The following ASAP2 variants were observed in gnomAD, a reference collection of about 807,000 sequenced individuals.
The protein encoded by ASAP2 is arf-GAP with SH3 domain, ANK repeat and PH domain-containing protein 2.
ASAP2 carries 45 observed loss-of-function variants against 131.4 expected under a neutral mutation model. The observed-to-expected ratio is 0.34, with a 90% CI of 0.27 to 0.44. ASAP2 has a LOEUF of 0.44. ASAP2 is among the 20% of genes least tolerant of loss of function. The pLI is 1.00. For synonymous variants in ASAP2, 510 were observed against 503.0 expected, an observed-to-expected ratio of 1.01 and a Z score of -0.19; for missense variants, 1,011 against 1,297.0, an observed-to-expected ratio of 0.78 and a Z score of 3.39.
At chr2:9,245,010 A>G (rs1356699293) in intron 1 of ASAP2, among the ~76,000 whole-genome samples, 2 of 152,180 alleles carry the variant, frequency 1.3e-5, no homozygotes, top group Non-Finnish European at 2.9e-5. Context: ...CTCCCGTCAT[A>G]TAAAAGGTAA....
At position 9,232,283 on chromosome 2, in the gene ASAP2, G is replaced by A. The variant is rs574779101; in HGVS notation, c.126+25053G>A. Among the ~76,000 whole-genome samples the A allele has an allele frequency of 6.6e-6, 1 of 152,230 alleles. No individual in the cohort carries two copies. The highest frequency in any genetic ancestry group is 2.1e-4 in the South Asian group (1 of 4,816). On this transcript the variant is annotated intron_variant, in intron 1 of 27. Coordinates refer to ENST00000281419, the MANE Select transcript of ASAP2 (RefSeq NM_003887.3). The surrounding 1 kb of genome is among the most constrained non-coding windows in gnomAD (Gnocchi z 4.1). ...CTGCGCCCGATCCTTTTACACAGGT[G>A]GTCCCTCTGTTTGTAGAGTCGCCCT...
At chr2:9,238,977 G>A (rs1375522579) in intron 1 of ASAP2, among the ~76,000 whole-genome samples, 3 of 152,136 alleles carry the variant, frequency 2.0e-5, no homozygotes, top group African/African-American at 4.8e-5. Flanking sequence ...TGGGCCTCCC[G>A]CAGCCTGGAG....
At chr2:9,233,709 T>G (rs555852764) in intron 1 of ASAP2, among the ~76,000 whole-genome samples, 5 of 152,240 alleles carry the variant, frequency 3.3e-5, no homozygotes, top group African/African-American at 1.2e-4. Flanking sequence ...CAAACACTTA[T>G]ATTGCACTTA....
Position 9,338,309 on chromosome 2 carries a change from G to C in ASAP2, c.849+3130G>C, listed in dbSNP as rs148838550. Among the ~76,000 whole-genome samples, 782 of 151,572 alleles carry C rather than the reference G, an allele frequency of 5.2e-3. 3 individuals are homozygous for C. Among genetic ancestry groups the C allele is most frequent in the Admixed American group, 0.011 (172 of 15,228 alleles). On this transcript the variant is annotated intron_variant, in intron 9 of 27. Transcript: ENST00000281419. ...ATGGTTGCTCTCTCTCTCTCTCTCT[G>C]TCTGTCTGTGTCTGTCTATCTCTCT...
At chr2:9,334,201 G>GT (rs111579113) in intron 7 of ASAP2, among the ~76,000 whole-genome samples, 25,945 of 129,302 alleles carry the variant, frequency 0.2, 2,533 homozygotes, top group Middle Eastern at 0.25. Context: ...TTTTGTATTT[G>GT]TTTTTTTTTT....
intron 1 of ASAP2, among the ~76,000 whole-genome samples, chr2:9,265,723 G>C (rs185014821): frequency 6.6e-6 from 1 of 152,064 alleles, no homozygotes; most frequent in Non-Finnish European, 1.5e-5. Flanking sequence ...GTGTGTGTGT[G>C]TGTGTCTGTG....
intron 7 of ASAP2, among the ~76,000 whole-genome samples, chr2:9,330,465 G>A (rs1034972379): frequency 6.6e-5 from 10 of 152,144 alleles, no homozygotes; most frequent in African/African-American, 2.4e-4. Context: ...TAGGTACAAT[G>A]TATGTTATTC....
chr2:9,293,316 A>C (rs1038511038), intron 2 of ASAP2, among the ~76,000 whole-genome samples: 2 of 152,120 alleles, frequency 1.3e-5, no homozygotes, highest in African/African-American at 4.8e-5. Context: ...TTGTCCTAGC[A>C]TGGTCTCTGT....
At chr2:9,260,843 C>T (rs1176478591) in intron 1 of ASAP2, among the ~76,000 whole-genome samples, 1 of 152,192 alleles carries the variant, frequency 6.6e-6, no homozygotes, top group Non-Finnish European at 1.5e-5. Context: ...ATTGTGTAAC[C>T]TGGACACATG....
chr2:9,265,363 C>T (rs1220079179), intron 1 of ASAP2, among the ~76,000 whole-genome samples: 2 of 152,210 alleles, frequency 1.3e-5, no homozygotes, highest in Admixed American at 6.5e-5. Context: ...CCATGGAGAC[C>T]GAGGGACTAC....
At chr2:9,319,343 A>C (rs950314280) in intron 4 of ASAP2, among the ~76,000 whole-genome samples, 8 of 152,238 alleles carry the variant, frequency 5.3e-5, no homozygotes, top group Non-Finnish European at 1.2e-4. Context: ...CTGGAAACCC[A>C]GTCTTGACCC....
At chr2:9,239,943 C>G (rs918547459) in intron 1 of ASAP2, among the ~76,000 whole-genome samples, 4 of 152,030 alleles carry the variant, frequency 2.6e-5, no homozygotes, top group African/African-American at 4.8e-5. Flanking sequence ...TTTCCCAAGG[C>G]CTTGTAGCTG....
intron 6 of ASAP2, among the ~76,000 whole-genome samples, chr2:9,324,386 G>A (rs1670352350): frequency 6.6e-6 from 1 of 152,210 alleles, no homozygotes; most frequent in South Asian, 2.1e-4. Flanking sequence ...ATCTTAGCCT[G>A]TTTTCTGTTG....
intron 14 of ASAP2, among the ~76,000 whole-genome samples, chr2:9,358,133 C>T (rs533276420): frequency 2.8e-4 from 42 of 152,264 alleles, no homozygotes; most frequent in South Asian, 1.9e-3. Context: ...GCCTGAGCAT[C>T]GCAAAGCTGT....
At chr2:9,289,199 C>T (rs1049229962) in intron 2 of ASAP2, among the ~76,000 whole-genome samples, 1 of 152,358 alleles carries the variant, frequency 6.6e-6, no homozygotes, top group African/African-American at 2.4e-5. Flanking sequence ...TTCCTCATCT[C>T]TGGCTCCTGC....
intron 16 of ASAP2, among the ~76,000 whole-genome samples, chr2:9,370,523 T>C (rs556247479): frequency 6.6e-6 from 1 of 152,328 alleles, no homozygotes; most frequent in African/African-American, 2.4e-5. Flanking sequence ...GACATAGATA[T>C]CTCAGTCCTT....
intron 3 of ASAP2, among the ~76,000 whole-genome samples, chr2:9,316,968 C>T (rs1458283140): frequency 7.9e-6 from 1 of 126,280 alleles, no homozygotes. Context: ...CACACACCCC[C>T]CGTCACACCC....
In ASAP2 at chr2:9,327,690, A is replaced by G; in HGVS notation, c.601-136A>G. The G allele has an allele frequency of 6.8e-6, 4 of 590,216 alleles. No individual in the cohort carries two copies. In the South Asian group the frequency reaches 8.6e-5, roughly 13 times the overall value. 36.6% of individuals were successfully genotyped at this position (590,216 alleles called of 1,614,324 possible). A position where few individuals can be genotyped will look rare whatever the true frequency, so the allele number is the denominator to read the frequency against. On this transcript the variant is annotated intron_variant, in intron 6 of 27. Coordinates refer to ENST00000281419, the MANE Select transcript of ASAP2 (RefSeq NM_003887.3). ...GAAACGGTTACGGAATCCAGGCGAT[A>G]CTAAGTGTCGATCATGCACTCTACG...
chr2:9,343,544 T>G (rs574000762), intron 9 of ASAP2, among the ~76,000 whole-genome samples: 18 of 152,298 alleles, frequency 1.2e-4, no homozygotes, highest in Admixed American at 3.3e-4. Flanking sequence ...TCTCCCAGGC[T>G]CAAGCAGTCC....
Sources: gnomAD v4.1 joint callset for allele counts (sites outside exome capture counted in the v4.1 genomes callset) on GRCh38, gnomAD v4.1.1 for gene constraint, Gnocchi (gnomAD v3.1) non-coding constraint, MANE v1.5 for transcripts, NCBI Gene and HGNC (gene_info 2026-07-23, HGNC 2026-07-21) for gene names.